EBF2: variants seen among roughly 807,000 people sequenced by gnomAD.
EBF2 encodes the protein transcription factor COE2.
In EBF2, 21 loss-of-function variants were observed where a neutral mutation model predicts 72.8. The observed-to-expected ratio is 0.29, with a 90% confidence interval of 0.20 to 0.42. EBF2 has a LOEUF of 0.42. EBF2 is among the 10% of genes least tolerant of loss of function. The pLI, the probability that EBF2 is intolerant of heterozygous loss-of-function variation, is 1.00. For synonymous variants in EBF2, 299 were observed against 274.2 expected, an observed-to-expected ratio of 1.09 and a Z score of -0.89; for missense variants, 637 against 731.2, an observed-to-expected ratio of 0.87 and a Z score of 1.49.
Position 26,045,023 on chromosome 8 carries a change from T to G in EBF2, c.-164A>C. On this transcript the variant is annotated 5_prime_UTR_variant, in exon 1 of 16. Coordinates refer to ENST00000520164, the MANE Select transcript of EBF2 (RefSeq NM_022659.4). The stretch of plus-strand genomic sequence containing the variant: ...AAAAAAAAAAAAGATAACCCGTCCT[T>G]TGCTTCACTGGCGAGGTGCGGACTG... 1 of 755,200 alleles carries G rather than the reference T, an allele frequency of 1.3e-6. No homozygotes were observed. Among genetic ancestry groups the G allele is most frequent in the Non-Finnish European group, 2.1e-6 (1 of 486,992 alleles). 46.8% of individuals were successfully genotyped at this position (755,200 alleles called of 1,614,324 possible).
chr8:25,985,029 T>C (rs566717480), intron 6 of EBF2, among the ~76,000 whole-genome samples: 4 of 152,166 alleles, frequency 2.6e-5, no homozygotes, highest in African/African-American at 9.6e-5. Context: ...TAAACTCTGC[T>C]CTTAAGGGAG....
chr8:26,009,181 T>G (rs1214420983), intron 6 of EBF2, among the ~76,000 whole-genome samples: 6 of 151,712 alleles, frequency 4.0e-5, no homozygotes, highest in Non-Finnish European at 1.5e-5. Flanking sequence ...AAAAAAGTTA[T>G]TTTGCTCTTT....
At chr8:25,874,480 G>C (rs1460428514) in intron 10 of EBF2, among the ~76,000 whole-genome samples, 1 of 152,054 alleles carries the variant, frequency 6.6e-6, no homozygotes, top group African/African-American at 2.4e-5. Flanking sequence ...TAGTTAGCAT[G>C]AATTATCTGG....
chr8:25,844,868 G>T (rs1801800833), intron 15 of EBF2, among the ~76,000 whole-genome samples: 1 of 152,196 alleles, frequency 6.6e-6, no homozygotes. Context: ...CCTTGATGAA[G>T]TTTTGCCTGG....
In EBF2 at chr8:25,885,229, A is replaced by G. The variant is rs184386882; in HGVS notation, c.1009+1526T>C. Among the ~76,000 whole-genome samples, 12 of 152,232 alleles carry G rather than the reference A, an allele frequency of 7.9e-5. No homozygotes were observed. The East Asian group carries it at 2.3e-3, about 29-fold the overall frequency. On this transcript the variant is annotated intron_variant, in intron 10 of 15. Coordinates refer to ENST00000520164, the MANE Select transcript of EBF2 (RefSeq NM_022659.4). ...GGCTCCTTTTTTTTTTAACTTTAAA[A>G]AAATGTGGTAAAATACTCATAACAT... is the stretch of plus-strand genomic sequence containing the variant.
At chr8:25,864,473 C>T (rs547991784) in intron 10 of EBF2, among the ~76,000 whole-genome samples, 1 of 135,918 alleles carries the variant, frequency 7.4e-6, no homozygotes, top group African/African-American at 2.8e-5. Flanking sequence ...AAAACCACCT[C>T]TATTCCAAGA....
chr8:25,908,398 A>G, intron 7 of EBF2, 76 bp downstream of exon 7: 1 of 1,169,186 alleles, frequency 8.6e-7, no homozygotes, highest in Non-Finnish European at 1.2e-6. Context: ...TTAAAGAAAA[A>G]GAAAATAAAA....
chr8:25,878,443 G>A (rs1435635039), intron 10 of EBF2, among the ~76,000 whole-genome samples: 1 of 152,202 alleles, frequency 6.6e-6, no homozygotes, highest in Non-Finnish European at 1.5e-5. Context: ...CTCTGAGGTG[G>A]AACAGCCCAT....
At chr8:25,948,387 A>T (rs550366977) in intron 6 of EBF2, among the ~76,000 whole-genome samples, 2 of 152,278 alleles carry the variant, frequency 1.3e-5, no homozygotes, top group East Asian at 1.9e-4. Flanking sequence ...CCTTTTCCAG[A>T]TGCCCCTCAG....
At chr8:26,035,934 T>C (rs2117260840) in intron 5 of EBF2, among the ~76,000 whole-genome samples, 1 of 152,058 alleles carries the variant, frequency 6.6e-6, no homozygotes, top group East Asian at 1.9e-4. Flanking sequence ...ATTGCTTATG[T>C]CAACGTAATA....
intron 6 of EBF2, among the ~76,000 whole-genome samples, chr8:25,971,245 C>G (rs1334927929): frequency 6.6e-6 from 1 of 152,172 alleles, no homozygotes; most frequent in Non-Finnish European, 1.5e-5. Context: ...CCACCAAAAG[C>G]CAGCTTAACT....
intron 15 of EBF2, among the ~76,000 whole-genome samples, chr8:25,847,436 G>A (rs910143031): frequency 6.6e-6 from 1 of 152,118 alleles, no homozygotes; most frequent in Non-Finnish European, 1.5e-5. Flanking sequence ...TGTACTCAAG[G>A]GAACTTCACA....
intron 6 of EBF2, among the ~76,000 whole-genome samples, chr8:25,987,118 A>G (rs1222507124): frequency 6.6e-6 from 1 of 152,236 alleles, no homozygotes; most frequent in Admixed American, 6.5e-5. Flanking sequence ...AAAGAAGCAG[A>G]GGTGAGGGTA....
Position 26,040,397 on chromosome 8 carries a change from G to A in EBF2, c.408+219C>T, listed in dbSNP as rs79652797. Among the ~76,000 whole-genome samples, 358 of 151,634 alleles carry A rather than the reference G, an allele frequency of 2.4e-3. 3 individuals are homozygous for A. Among genetic ancestry groups the A allele is most frequent in the African/African-American group, 8.4e-3 (346 of 41,278 alleles). ...TTGTTCGCCTCTTACTGCCCCCAGGGTTTCCCTGAGCCAGACAAAACAGGT... is the reference window on the plus strand; with the variant it reads ...TTGTTCGCCTCTTACTGCCCCCAGGATTTCCCTGAGCCAGACAAAACAGGT... On this transcript the variant is annotated intron_variant, in intron 4 of 15. Coordinates refer to ENST00000520164, the MANE Select transcript of EBF2 (RefSeq NM_022659.4).
chr8:25,990,188 TAC>T (rs60406400), intron 6 of EBF2, among the ~76,000 whole-genome samples: 3,414 of 145,676 alleles, frequency 0.023, 57 homozygotes, highest in East Asian at 0.047. Flanking sequence ...CTATGGGTTA[TAC>T]ACACACACAC....
At chr8:25,890,900 A>G (rs1221943304) in intron 7 of EBF2, among the ~76,000 whole-genome samples, 1 of 152,208 alleles carries the variant, frequency 6.6e-6, no homozygotes, top group Non-Finnish European at 1.5e-5. Flanking sequence ...ATACATATAA[A>G]GGATTCAGCA....
chr8:26,015,552 A>C (rs969871381), intron 6 of EBF2, among the ~76,000 whole-genome samples: 1 of 152,210 alleles, frequency 6.6e-6, no homozygotes, highest in Admixed American at 6.5e-5. Context: ...TGAGAGTAAG[A>C]ACATTCGGAT....
intron 6 of EBF2, among the ~76,000 whole-genome samples, chr8:25,927,732 A>G (rs940321551): frequency 1.3e-5 from 2 of 152,148 alleles, no homozygotes; most frequent in African/African-American, 4.8e-5. Context: ...TTATTTGTAT[A>G]TATCATGCTA....
At chr8:25,912,466 G>GCACACACACACACACA (rs141335310) in intron 6 of EBF2, among the ~76,000 whole-genome samples, 18 of 136,950 alleles carry the variant, frequency 1.3e-4, no homozygotes, top group East Asian at 2.2e-4. Flanking sequence ...TCTAAAAATG[G>GCACACACACACACACA]CACACACACA....
Sources: gnomAD v4.1 joint callset for allele counts (sites outside exome capture counted in the v4.1 genomes callset) on GRCh38, gnomAD v4.1.1 for gene constraint, MANE v1.5 for transcripts, NCBI Gene and HGNC (gene_info 2026-07-23, HGNC 2026-07-21) for gene names.